GRM7: variants seen among roughly 807,000 people sequenced by gnomAD.
GRM7 encodes the protein glutamate metabotropic receptor 7, also known as metabotropic glutamate receptor 7.
In GRM7, 35 loss-of-function variants were observed where a neutral mutation model predicts 84.5. The ratio of observed to expected loss-of-function variants is 0.41; its 90% CI spans 0.32 to 0.55. The LOEUF (loss-of-function observed/expected upper bound fraction) is 0.55. GRM7 is among the 20% of genes least tolerant of loss of function. The probability of loss-of-function intolerance (pLI) is 0.19; values close to 1 mark genes in which losing one functional copy is unlikely to be tolerated. For missense variants in GRM7, 1,003 were observed against 1,194.6 expected (o/e 0.84, Z 2.36); for synonymous variants, 487 against 455.1 (o/e 1.07, Z -0.89).
chr3:7,461,406 A>G (rs570763602), intron 6 of GRM7, among the ~76,000 whole-genome samples, 177 bp from the exon 7 acceptor site: 205 of 152,310 alleles, frequency 1.3e-3, no homozygotes, highest in African/African-American at 4.7e-3. Context: ...TAAAATTCAT[A>G]GGCCATAGTG....
intron 1 of GRM7, among the ~76,000 whole-genome samples, chr3:7,036,755 A>T (rs1304713336): frequency 6.6e-6 from 1 of 151,500 alleles, no homozygotes; most frequent in Non-Finnish European, 1.5e-5. Flanking sequence ...GTTTTAAAGC[A>T]CTGGTTTTCT....
chr3:7,657,342 AG>A (rs1486806786), intron 8 of GRM7, among the ~76,000 whole-genome samples: 2 of 152,238 alleles, frequency 1.3e-5, no homozygotes, highest in Admixed American at 6.5e-5. Flanking sequence ...TAGAAACCAA[AG>A]GAAATTGTAT....
At chr3:6,982,191 A>G (rs1559366089) in intron 1 of GRM7, among the ~76,000 whole-genome samples, 2 of 152,222 alleles carry the variant, frequency 1.3e-5, no homozygotes, top group African/African-American at 2.4e-5. Context: ...AAATTAATGC[A>G]GGAACAGAAA....
At chr3:7,343,060 T>C (rs1692716293) in intron 4 of GRM7, among the ~76,000 whole-genome samples, 2 of 152,164 alleles carry the variant, frequency 1.3e-5, no homozygotes. Context: ...TATTGCTTAT[T>C]ATTGACTCAG....
intron 4 of GRM7, among the ~76,000 whole-genome samples, chr3:7,399,938 T>A (rs1695377670): frequency 6.6e-6 from 1 of 152,162 alleles, no homozygotes; most frequent in Admixed American, 6.5e-5. Flanking sequence ...CCTCAGGTAT[T>A]CCTTTACAGC....
At chr3:6,929,876 G>T (rs1394249871) in intron 1 of GRM7, among the ~76,000 whole-genome samples, 1 of 152,152 alleles carries the variant, frequency 6.6e-6, no homozygotes, top group Non-Finnish European at 1.5e-5. Context: ...GCCCTGCCAT[G>T]GATCTTTTCC....
chr3:7,681,574 G>C (rs1700369754), intron 9 of GRM7: 1 of 152,134 alleles, frequency 6.6e-6, no homozygotes, highest in African/African-American at 2.4e-5. Flanking sequence ...TGTGACAGAA[G>C]TCCTAGGACA....
chr3:7,192,790 T>C (rs1437595575), intron 2 of GRM7, among the ~76,000 whole-genome samples: 1 of 152,150 alleles, frequency 6.6e-6, no homozygotes, highest in Non-Finnish European at 1.5e-5. Context: ...AGGTAATCTT[T>C]GATGACATTT....
intron 9 of GRM7, among the ~76,000 whole-genome samples, chr3:7,695,146 G>A (rs1700969368): frequency 6.6e-6 from 1 of 152,198 alleles, no homozygotes; most frequent in South Asian, 2.1e-4. Context: ...CTGTAGGCTA[G>A]CACTGTGAGA....
chr3:7,163,541 A>G (rs1436858185), intron 2 of GRM7, among the ~76,000 whole-genome samples: 2 of 152,212 alleles, frequency 1.3e-5, no homozygotes, highest in African/African-American at 4.8e-5. Context: ...TTGTATCCTC[A>G]TGGAGCTTAT....
At chr3:7,196,675 C>A (rs937218859) in intron 2 of GRM7, among the ~76,000 whole-genome samples, 12 of 152,094 alleles carry the variant, frequency 7.9e-5, no homozygotes, top group African/African-American at 2.7e-4. Context: ...TCCTGACTTC[C>A]AGTCTTATCA....
chr3:6,969,512 C>G (rs967462767), intron 1 of GRM7, among the ~76,000 whole-genome samples: 3 of 152,146 alleles, frequency 2.0e-5, no homozygotes, highest in African/African-American at 7.2e-5. Flanking sequence ...CTGTGTGCCC[C>G]CACTGTGGCT....
chr3:7,721,784 G>T (rs997301652), intron 9 of GRM7, among the ~76,000 whole-genome samples: 1 of 152,136 alleles, frequency 6.6e-6, no homozygotes, highest in Non-Finnish European at 1.5e-5. Context: ...CAAGACTAGC[G>T]GGGCCATTGA....
intron 1 of GRM7, among the ~76,000 whole-genome samples, chr3:7,048,301 A>G (rs73027792): frequency 0.17 from 25,245 of 151,908 alleles, 2,389 homozygotes; most frequent in South Asian, 0.22. Flanking sequence ...GGGGAATTAA[A>G]TATTTAGATT....
intron 9 of GRM7, among the ~76,000 whole-genome samples, chr3:7,734,756 C>T (rs1289252100): frequency 2.0e-5 from 3 of 152,154 alleles, no homozygotes; most frequent in Non-Finnish European, 4.4e-5. Flanking sequence ...TTGGGAATGT[C>T]TCCATTTTTT....
chr3:7,661,541 TC>T (rs1271897272), intron 8 of GRM7, among the ~76,000 whole-genome samples: 1 of 152,046 alleles, frequency 6.6e-6, no homozygotes, highest in Non-Finnish European at 1.5e-5. Flanking sequence ...ACGCCTGTAA[TC>T]CCAGCACTTT....
At chr3:7,134,661 G>T (rs1387387590) in intron 1 of GRM7, among the ~76,000 whole-genome samples, 1 of 152,094 alleles carries the variant, frequency 6.6e-6, no homozygotes, top group East Asian at 1.9e-4. Context: ...CTGAAGTACA[G>T]CCATGTCTCC....
chr3:6,916,304 A>C (rs1290696916), intron 1 of GRM7, among the ~76,000 whole-genome samples: 1 of 152,200 alleles, frequency 6.6e-6, no homozygotes, highest in Non-Finnish European at 1.5e-5. Context: ...TGTAAAATAT[A>C]AAATAAATAT....
chr3:7,527,628 C>CTATCT (rs1700858064), intron 7 of GRM7, among the ~76,000 whole-genome samples: 1 of 151,874 alleles, frequency 6.6e-6, no homozygotes, highest in African/African-American at 2.4e-5. Flanking sequence ...ATACTTCTAT[C>CTATCT]TATCTGTTGC....
Sources: gnomAD v4.1 joint callset for allele counts (sites outside exome capture counted in the v4.1 genomes callset) on GRCh38, gnomAD v4.1.1 for gene constraint, MANE v1.5 for transcripts, NCBI Gene and HGNC (gene_info 2026-07-23, HGNC 2026-07-21) for gene names.